The following RIMBP2 variants were observed in gnomAD, a reference collection of about 807,000 sequenced individuals.
RIMBP2 encodes the protein RIMS binding protein 2.
RIMBP2 carries 48 observed loss-of-function variants against 118.6 expected under a neutral mutation model. The ratio of observed to expected loss-of-function variants is 0.40; its 90% confidence interval spans 0.32 to 0.51. The LOEUF is 0.51. Among genes scored for constraint, RIMBP2 ranks in the 20% least tolerant of loss-of-function variants. The pLI is 0.41. For synonymous variants in RIMBP2, 762 were observed against 742.9 expected (o/e 1.03, Z -0.42); for missense variants, 1,551 against 1,768.3 (o/e 0.88, Z 2.20).
At chr12:130,566,998 G>T (rs2057269166) in intron 2 of RIMBP2, among the ~76,000 whole-genome samples, 3 of 152,182 alleles carry the variant, frequency 2.0e-5, no homozygotes, top group Non-Finnish European at 4.4e-5. Context: ...AGGAAAGAGG[G>T]GAGTAGGAAA....
At chr12:130,406,592 C>G (rs563109835) in intron 20 of RIMBP2, among the ~76,000 whole-genome samples, 2 of 152,274 alleles carry the variant, frequency 1.3e-5, no homozygotes, top group African/African-American at 4.8e-5. Flanking sequence ...GTATAAGGAC[C>G]ATTACGTAAA....
intron 2 of RIMBP2, among the ~76,000 whole-genome samples, chr12:130,610,683 CCCAAG>C (rs2060482547): frequency 6.6e-6 from 1 of 150,494 alleles, no homozygotes; most frequent in African/African-American, 2.4e-5. Context: ...GCCTCAGCCT[CCCAAG>C]TAGCTGGGAC....
At chr12:130,705,712 G>A (rs1267227431) in intron 1 of RIMBP2, among the ~76,000 whole-genome samples, 1 of 152,238 alleles carries the variant, frequency 6.6e-6, no homozygotes, top group Non-Finnish European at 1.5e-5. Flanking sequence ...CTGCTGCAGG[G>A]CCACAGGCGC....
At chr12:130,582,796 C>G (rs975847671) in intron 2 of RIMBP2, among the ~76,000 whole-genome samples, 1 of 152,182 alleles carries the variant, frequency 6.6e-6, no homozygotes, top group Non-Finnish European at 1.5e-5. Flanking sequence ...TGGGCTCTGA[C>G]CTAGACTCCA....
At chr12:130,695,220 G>A (rs1445635578) in intron 1 of RIMBP2, among the ~76,000 whole-genome samples, 1 of 152,084 alleles carries the variant, frequency 6.6e-6, no homozygotes. Flanking sequence ...AAGACCGCAG[G>A]GCCCCTCTTC....
At chr12:130,629,315 T>C (rs2061838235) in intron 1 of RIMBP2, among the ~76,000 whole-genome samples, 1 of 152,236 alleles carries the variant, frequency 6.6e-6, no homozygotes, top group Admixed American at 6.5e-5. Flanking sequence ...TTAGCAAACA[T>C]GTTCTGAGCA....
chr12:130,473,916 A>G (rs1458276029), intron 5 of RIMBP2, among the ~76,000 whole-genome samples: 1 of 146,114 alleles, frequency 6.8e-6, no homozygotes, highest in African/African-American at 2.4e-5. Flanking sequence ...GTTACATAAT[A>G]GCCTTAAGAC....
rs115709285 is a variant in RIMBP2 at position 130,672,103 on chromosome 12, G to A, written c.-351-43647C>T. On this transcript the variant is annotated intron_variant, in intron 1 of 22. Coordinates refer to ENST00000690449, the MANE Select transcript of RIMBP2 (RefSeq NM_001393629.1). Reference sequence around the variant, plus strand: ...TGGAAGCTGAAAACTCCACAGACTCGTGTCGGTTGGACGACTCGGAATGTG... The same window carrying A: ...TGGAAGCTGAAAACTCCACAGACTCATGTCGGTTGGACGACTCGGAATGTG... Among the ~76,000 whole-genome samples the A allele has an allele frequency of 1.8e-3, 274 of 152,258 alleles. 1 individual carries two copies. The highest frequency in any genetic ancestry group is 6.3e-3 in the African/African-American group (263 of 41,546).
At chr12:130,655,438 G>A (rs1053529899) in intron 1 of RIMBP2, among the ~76,000 whole-genome samples, 4 of 152,152 alleles carry the variant, frequency 2.6e-5, no homozygotes, top group Non-Finnish European at 5.9e-5. Flanking sequence ...ACACATGAGA[G>A]GGAGGAAAAG....
At chr12:130,709,587 G>A (rs1949748200) in intron 1 of RIMBP2, among the ~76,000 whole-genome samples, 1 of 152,236 alleles carries the variant, frequency 6.6e-6, no homozygotes, top group African/African-American at 2.4e-5. Flanking sequence ...GGAGAGGGAA[G>A]GAAGAGTCGG....
intron 12 of RIMBP2, 31 bp downstream of exon 12, chr12:130,438,334 A>ATGGCC: frequency 8.2e-6 from 11 of 1,344,506 alleles, no homozygotes; most frequent in Non-Finnish European, 1.1e-5. Flanking sequence ...GGGCCTAACA[A>ATGGCC]ACCCTCCCCA....
chr12:130,680,504 CACAT>C (rs2064728774), intron 1 of RIMBP2, among the ~76,000 whole-genome samples: 1 of 152,186 alleles, frequency 6.6e-6, no homozygotes, highest in African/African-American at 2.4e-5. Context: ...CTCAGATACA[CACAT>C]ACACACGCAA....
chr12:130,471,423 C>A (rs2080993446), intron 5 of RIMBP2, among the ~76,000 whole-genome samples: 1 of 152,222 alleles, frequency 6.6e-6, no homozygotes, highest in Non-Finnish European at 1.5e-5. Flanking sequence ...GAAGTCCCAG[C>A]ATCATCATGA....
At chr12:130,586,210 T>C (rs1343860188) in intron 2 of RIMBP2, among the ~76,000 whole-genome samples, 3 of 152,174 alleles carry the variant, frequency 2.0e-5, no homozygotes, top group Non-Finnish European at 2.9e-5. Context: ...ATCCCAGCAG[T>C]TTGGGAGACC....
intron 1 of RIMBP2, among the ~76,000 whole-genome samples, chr12:130,711,560 C>T (rs1593057470): frequency 6.6e-6 from 1 of 152,158 alleles, no homozygotes; most frequent in Non-Finnish European, 1.5e-5. Flanking sequence ...GAGTGATTTA[C>T]TTAGGACGTC....
chr12:130,429,645 C>T (rs2077032502), intron 14 of RIMBP2: 1 of 151,942 alleles, frequency 6.6e-6, no homozygotes, highest in Non-Finnish European at 1.5e-5. Flanking sequence ...ACGTATTTAT[C>T]TAAAAAAAAA....
In RIMBP2 at chr12:130,707,739, G is replaced by A. The variant is rs1225069849; in HGVS notation, c.-352+8483C>T. On this transcript the variant is annotated intron_variant, in intron 1 of 22. Transcript: ENST00000690449. Reference sequence around the variant, plus strand: ...GGGGCGCTGAGGCAGTGTGGCCCAGGGACAAGACCAGGGGTCTCTGGCCAA... The same window carrying A: ...GGGGCGCTGAGGCAGTGTGGCCCAGAGACAAGACCAGGGGTCTCTGGCCAA... 2.6e-5 allele frequency among the ~76,000 whole-genome samples: 4 copies of A among 152,138 alleles called. No individual in the cohort carries two copies. The East Asian group carries it at 7.7e-4, about 29-fold the overall frequency.
At chr12:130,461,676 T>C (rs1416156615) in intron 6 of RIMBP2, among the ~76,000 whole-genome samples, 1 of 152,078 alleles carries the variant, frequency 6.6e-6, no homozygotes, top group Admixed American at 6.5e-5. Flanking sequence ...CTTGCCATAA[T>C]GAGCAGGCTA....
At chr12:130,611,540 G>A (rs983488346) in intron 2 of RIMBP2, among the ~76,000 whole-genome samples, 1 of 152,228 alleles carries the variant, frequency 6.6e-6, no homozygotes, top group Admixed American at 6.5e-5. Flanking sequence ...AGTGGCAGAT[G>A]CCACCATGCT....
Sources: gnomAD v4.1 joint callset for allele counts (sites outside exome capture counted in the v4.1 genomes callset) on GRCh38, gnomAD v4.1.1 for gene constraint, MANE v1.5 for transcripts, NCBI Gene and HGNC (gene_info 2026-07-23, HGNC 2026-07-21) for gene names.